The following LANCL3 variants were observed in gnomAD, a reference collection of about 807,000 sequenced individuals.
The protein encoded by LANCL3 is LanC like family member 3, also known as lanC-like protein 3.
Under a neutral mutation model 26.5 loss-of-function variants are expected in LANCL3, and 19 were observed. The observed-to-expected ratio is 0.72, with a 90% CI of 0.50 to 1.05. LANCL3 has a LOEUF of 1.05. Among genes scored for constraint, LANCL3 ranks in the 50% least tolerant of loss-of-function variants. The pLI is 0.00. For missense variants in LANCL3, 318 were observed against 362.7 expected (o/e 0.88, Z 1.00); for synonymous variants, 160 against 166.6 (o/e 0.96, Z 0.30).
At chrX:37,579,845 A>T (rs782453866) in intron 1 of LANCL3, among the ~76,000 whole-genome samples, 6 of 111,658 alleles carry the variant, frequency 5.4e-5, no homozygotes, top group Non-Finnish European at 1.1e-4. Context: ...ATAGAGGATT[A>T]TCAAATTGCC....
chrX:37,621,899 G>T (rs1423788166), intron 1 of LANCL3, among the ~76,000 whole-genome samples: 1 of 111,446 alleles, frequency 9.0e-6, no homozygotes, highest in Non-Finnish European at 1.9e-5. Flanking sequence ...ATTGCCTCCT[G>T]TCAGCATCCC....
At chrX:37,627,552 A>C (rs1449519851) in intron 1 of LANCL3, among the ~76,000 whole-genome samples, 1 of 111,642 alleles carries the variant, frequency 9.0e-6, no homozygotes, top group East Asian at 2.8e-4. Flanking sequence ...CTCACAGCAC[A>C]CCTACTGACT....
intron 4 of LANCL3, among the ~76,000 whole-genome samples, chrX:37,673,416 TC>T (rs1246262943): frequency 9.0e-6 from 1 of 111,547 alleles, no homozygotes; most frequent in Admixed American, 9.6e-5. Flanking sequence ...AACTCACAGA[TC>T]TATGAATTTT....
chrX:37,641,464 G>T (rs1286508479), intron 1 of LANCL3, among the ~76,000 whole-genome samples: 1 of 110,217 alleles, frequency 9.1e-6, no homozygotes, highest in Non-Finnish European at 1.9e-5. Context: ...TAGGTTTCAT[G>T]TTATACACAG....
intron 1 of LANCL3, among the ~76,000 whole-genome samples, chrX:37,596,466 T>A (rs1924431763): frequency 8.9e-6 from 1 of 112,370 alleles, no homozygotes; most frequent in Non-Finnish European, 1.9e-5. Context: ...CAAATGCGAA[T>A]CAAAGGCAGA....
At chrX:37,584,022 C>T (rs782557512) in intron 1 of LANCL3, among the ~76,000 whole-genome samples, 1 of 111,796 alleles carries the variant, frequency 8.9e-6, no homozygotes. Context: ...GAGTTTTTAA[C>T]ATGAAGGGCT....
chrX:37,599,518 T>C (rs1196132173), intron 1 of LANCL3, among the ~76,000 whole-genome samples: 2 of 112,358 alleles, frequency 1.8e-5, no homozygotes, highest in Non-Finnish European at 3.8e-5. Flanking sequence ...ACCACTATAA[T>C]GCTGGCAGCA....
At chrX:37,640,930 G>GT (rs1395388136) in intron 1 of LANCL3, among the ~76,000 whole-genome samples, 3 of 111,530 alleles carry the variant, frequency 2.7e-5, no homozygotes, top group Non-Finnish European at 3.8e-5. Context: ...TCTGGCCATG[G>GT]TGTCACTTTT....
intron 1 of LANCL3, among the ~76,000 whole-genome samples, chrX:37,647,224 GA>G (rs1330836858): frequency 2.7e-5 from 3 of 111,017 alleles, no homozygotes; most frequent in Non-Finnish European, 5.7e-5. Flanking sequence ...TGAGGCAGGA[GA>G]ATGGCATGAA....
intron 1 of LANCL3, among the ~76,000 whole-genome samples, chrX:37,631,621 G>A (rs151153501): frequency 0.011 from 1,264 of 110,985 alleles, 10 homozygotes; most frequent in Non-Finnish European, 0.017. Flanking sequence ...ACACTGCTTT[G>A]AATGTGTCCC....
intron 1 of LANCL3, among the ~76,000 whole-genome samples, chrX:37,581,265 G>A (rs1342880230): frequency 3.6e-5 from 4 of 112,165 alleles, no homozygotes; most frequent in African/African-American, 1.3e-4. Context: ...AAGAATACCA[G>A]CTCTCTGGTT....
At chrX:37,587,178 C>T (rs781893727) in intron 1 of LANCL3, among the ~76,000 whole-genome samples, 6 of 112,440 alleles carry the variant, frequency 5.3e-5, no homozygotes, top group Middle Eastern at 4.6e-3. Context: ...GAGGGGTACC[C>T]GGCTGTGTGA....
chrX:37,638,876 G>A (rs954011495), intron 1 of LANCL3, among the ~76,000 whole-genome samples: 1 of 110,756 alleles, frequency 9.0e-6, no homozygotes, highest in Non-Finnish European at 1.9e-5. Context: ...GAACTTCATA[G>A]AGATGGAATC....
chrX:37,658,650 A>G (rs1174387261), intron 2 of LANCL3, among the ~76,000 whole-genome samples: 1 of 112,009 alleles, frequency 8.9e-6, no homozygotes, highest in Non-Finnish European at 1.9e-5. Flanking sequence ...ACAATTAACC[A>G]TCATACTCCT....
chrX:37,669,434 G>T (rs1556435277), intron 4 of LANCL3, among the ~76,000 whole-genome samples: 1 of 111,468 alleles, frequency 9.0e-6, no homozygotes, highest in Non-Finnish European at 1.9e-5. Context: ...GGAGGTGATT[G>T]GATCCTGGGG....
intron 1 of LANCL3, among the ~76,000 whole-genome samples, chrX:37,591,225 G>T (rs1259029070): frequency 2.7e-5 from 3 of 111,585 alleles, no homozygotes. Flanking sequence ...AATTTCTATA[G>T]ATTTAAGTCA....
chrX:37,634,810 GC>G (rs1249039286), intron 1 of LANCL3, among the ~76,000 whole-genome samples: 2 of 111,382 alleles, frequency 1.8e-5, no homozygotes, highest in East Asian at 5.6e-4. Context: ...GGATAAAGAG[GC>G]ATCATGTCTG....
intron 1 of LANCL3, among the ~76,000 whole-genome samples, chrX:37,632,877 G>A (rs1455298385): frequency 2.7e-5 from 3 of 111,464 alleles, no homozygotes; most frequent in Non-Finnish European, 5.7e-5. Flanking sequence ...CTCTCTGGCT[G>A]CCCTTAACAT....
chrX:37,633,973 G>A (rs1925621495), intron 1 of LANCL3, among the ~76,000 whole-genome samples: 1 of 112,449 alleles, frequency 8.9e-6, no homozygotes, highest in Non-Finnish European at 1.9e-5. Context: ...CTGTCAGACA[G>A]GGACATTTAA....
Sources: gnomAD v4.1 joint callset for allele counts (sites outside exome capture counted in the v4.1 genomes callset) on GRCh38, gnomAD v4.1.1 for gene constraint, MANE v1.5 for transcripts, NCBI Gene and HGNC (gene_info 2026-07-23, HGNC 2026-07-21) for gene names.